ENO1: variants seen among roughly 807,000 people sequenced by gnomAD.
The protein encoded by ENO1 is alpha-enolase.
ENO1 carries 33 observed loss-of-function variants against 46.3 expected under a neutral mutation model. That is an observed-to-expected ratio of 0.71 (90% confidence interval 0.54 to 0.95). ENO1 has a LOEUF of 0.95. Ranked by LOEUF, ENO1 falls within the 40% of genes least tolerant of loss-of-function variation. ENO1 has a pLI of 0.00. For synonymous variants in ENO1, 220 were observed against 216.0 expected (o/e 1.02, Z -0.16); for missense variants, 488 against 553.3 (o/e 0.88, Z 1.18).
At chr1:8,867,279 A>G (rs370977906) in intron 5 of ENO1, 29 bp from the exon 6 acceptor site, 5 of 1,610,494 alleles carry the variant, frequency 3.1e-6, no homozygotes, top group Non-Finnish European at 4.2e-6. Flanking sequence ...GAGTGGAATG[A>G]AGTCATTTCT....
chr1:8,863,433 G>A lies in ENO1; in HGVS notation c.1068-90C>T, dbSNP rs1319923701. 3 of 1,293,550 alleles carry A rather than the reference G, an allele frequency of 2.3e-6. No homozygotes were observed. The African/African-American group carries it at 4.5e-5, about 19-fold the overall frequency. The allele number at this position is 1,293,550 out of a possible 1,614,324, so 80.1% of individuals were successfully genotyped here. A position where few individuals can be genotyped will look rare whatever the true frequency, so the allele number is the denominator to read the frequency against. On this transcript the variant is annotated intron_variant, in intron 9 of 11. Transcript: ENST00000234590. Reference sequence around the variant, plus strand: ...ATTACCCCTCGGTGCCAGCAGGAAAGCAGTGGAGGGGCTGTTAATGGCTAA... The same window carrying A: ...ATTACCCCTCGGTGCCAGCAGGAAAACAGTGGAGGGGCTGTTAATGGCTAA...
At chr1:8,866,076 CAA>C (rs70985533) in intron 7 of ENO1, 15,893 of 358,948 alleles carry the variant, frequency 0.044, 2 homozygotes, top group Middle Eastern at 0.059. Context: ...GACTCCATCT[CAA>C]AAAAAAAAAA....
intron 11 of ENO1, among the ~76,000 whole-genome samples, chr1:8,861,695 C>T (rs1477179509): frequency 6.6e-6 from 1 of 152,090 alleles, no homozygotes; most frequent in East Asian, 1.9e-4. Flanking sequence ...TCTTCCTCTC[C>T]TCTCCCCGTC....
At chr1:8,875,935 A>G (rs1444650340) in intron 1 of ENO1, 1 of 152,144 alleles carries the variant, frequency 6.6e-6, no homozygotes, top group Non-Finnish European at 1.5e-5. Flanking sequence ...ATGACATCTA[A>G]TTATTTCTTC....
At chr1:8,867,358 C>A in intron 5 of ENO1, 108 bp from the exon 6 acceptor site, 1 of 1,434,086 alleles carries the variant, frequency 7.0e-7, no homozygotes. Context: ...TCCCCCATCA[C>A]ACCTCCATTT....
At chr1:8,863,104 T>C in intron 10 of ENO1, 131 bp downstream of exon 10, 1 of 1,349,882 alleles carries the variant, frequency 7.4e-7, no homozygotes, top group African/African-American at 1.4e-5. Context: ...CCCCATTCTG[T>C]TCAGCCTCAG....
At chr1:8,862,595 G>T (rs565449610) in intron 11 of ENO1, among the ~76,000 whole-genome samples, 1 of 152,186 alleles carries the variant, frequency 6.6e-6, no homozygotes, top group African/African-American at 2.4e-5. Context: ...AAAGCTCTAA[G>T]AAAGTCATGC....
At chr1:8,863,085 C>A in intron 10 of ENO1, 140 bp from the exon 11 acceptor site, 2 of 1,319,842 alleles carry the variant, frequency 1.5e-6, no homozygotes, top group East Asian at 2.5e-5. Flanking sequence ...ACAGGCAGGG[C>A]GCTCATGCCC....
At chr1:8,874,643 C>T (rs1642700632) in intron 2 of ENO1, among the ~76,000 whole-genome samples, 181 bp downstream of exon 2, 1 of 149,864 alleles carries the variant, frequency 6.7e-6, no homozygotes, top group Admixed American at 6.6e-5. Context: ...CAGCAAGACA[C>T]TGGCTCCATG....
chr1:8,864,083 A>C lies in ENO1; in HGVS notation c.875T>G (p.Ile292Ser), dbSNP rs1235678238. 2 of 1,613,944 alleles carry C rather than the reference A, an allele frequency of 1.2e-6. No individual in the cohort carries two copies. The highest frequency in any genetic ancestry group is 2.7e-5 in the African/African-American group (2 of 74,874). ...GTCATCCTGGTCAAAGGGATCTTCGATAGACACCACTAAGGAAAGGAGGGA... is the reference window on the plus strand; with the variant it reads ...GTCATCCTGGTCAAAGGGATCTTCGCTAGACACCACTAAGGAAAGGAGGGA... ...SFIKDYPVVS[I>S]EDPFDQDDWG... Residue 292 changes from isoleucine to serine, a missense_variant, in exon 9 of 12, where the codon ATC (isoleucine) becomes AGC (serine). By Grantham distance (142) the Ile-to-Ser change is moderately radical. Coordinates refer to ENST00000234590, the MANE Select transcript of ENO1 (RefSeq NM_001428.5).
At chr1:8,864,888 C>T (rs1642478811) in intron 8 of ENO1, among the ~76,000 whole-genome samples, 2 of 152,200 alleles carry the variant, frequency 1.3e-5, no homozygotes, top group African/African-American at 4.8e-5. Flanking sequence ...AAGGTGGTCA[C>T]AGTCTCTATC....
rs1054423493 is a variant in ENO1, at chr1:8,876,774, G to T, written c.-10+1806C>A. Among the ~76,000 whole-genome samples the T allele has an allele frequency of 2.0e-5, 3 of 151,694 alleles. No homozygotes were observed. The East Asian group carries it at 5.8e-4, about 29-fold the overall frequency. ...GATCGCGCCACTACACTCCAGCCTG[G>T]GCGACAGAGAGACTCCGTCTCAGAA... On this transcript the variant is annotated intron_variant, in intron 1 of 11. Transcript: ENST00000234590.
rs1438822328 is a variant in ENO1 at position 8,866,409 on chromosome 1, C to T, written c.537G>A (p.Arg179=). ...MILPVGAANF[R]EAMRIGAEVY... ...CCTCTGCTCCAATGCGCATGGCTTC[C>T]CTGAAGTTTGCTGCACCGACTGGGA... is the stretch of plus-strand genomic sequence containing the variant. Residue 179 remains arginine (R), a synonymous_variant, in exon 7 of 12, where the codon AGG becomes AGA. Transcript: ENST00000234590. 1.2e-6 allele frequency: 2 copies of T among 1,614,216 alleles called. No individual in the cohort carries two copies. Among genetic ancestry groups the T allele is most frequent in the Non-Finnish European group, 1.7e-6 (2 of 1,180,048 alleles).
intron 2 of ENO1, 63 bp from the exon 3 acceptor site, chr1:8,872,049 T>C (rs1374945713): frequency 7.1e-7 from 1 of 1,402,140 alleles, no homozygotes; most frequent in Non-Finnish European, 1.0e-6. Context: ...CAATCCCAAG[T>C]CCCCTCCCGC....
chr1:8,869,771 A>T (rs1375760783), intron 4 of ENO1, among the ~76,000 whole-genome samples: 4 of 152,146 alleles, frequency 2.6e-5, no homozygotes, highest in Admixed American at 2.0e-4. Context: ...TGTTGGCTAG[A>T]CTGGTCTCCA....
chr1:8,863,870 C>T (rs780680746), intron 9 of ENO1, 21 bp downstream of exon 9: 13 of 1,614,012 alleles, frequency 8.1e-6, no homozygotes, highest in East Asian at 2.2e-5. Flanking sequence ...GGGAAAGCTG[C>T]TCGCCTGGGA....
At chr1:8,871,003 C>T in intron 3 of ENO1, 1 of 1,242,902 alleles carries the variant, frequency 8.0e-7, no homozygotes, top group Non-Finnish European at 1.0e-6. Flanking sequence ...TTTCAGGGGC[C>T]ATGCGTTCAA....
intron 7 of ENO1, 135 bp downstream of exon 7, chr1:8,866,144 G>A (rs1487549667): frequency 5.7e-6 from 4 of 701,034 alleles, no homozygotes; most frequent in African/African-American, 1.8e-5. Context: ...CCTTAAAACC[G>A]TTTGAAGGGT....
intron 4 of ENO1, 120 bp downstream of exon 4, chr1:8,870,332 G>C: frequency 1.6e-6 from 2 of 1,287,478 alleles, no homozygotes; most frequent in Non-Finnish European, 2.2e-6. Flanking sequence ...GTGCGTGACA[G>C]GGAATCCAAT....
Sources: allele counts gnomAD v4.1 joint callset (sites outside exome capture counted in the v4.1 genomes callset), GRCh38; gene constraint gnomAD v4.1.1; transcripts MANE v1.5; gene names NCBI Gene and HGNC (gene_info 2026-07-23, HGNC 2026-07-21).